INTS8: variants seen among roughly 807,000 people sequenced by gnomAD.
INTS8 encodes the protein protein kaonashi-1.
INTS8 carries 47 observed loss-of-function variants against 138.9 expected under a neutral mutation model. That is an observed-to-expected ratio of 0.34 (90% CI 0.27 to 0.43). The LOEUF (loss-of-function observed/expected upper bound fraction) is 0.43. Ranked by LOEUF, INTS8 falls within the 20% of genes least tolerant of loss-of-function variation. The pLI is 1.00. For synonymous variants in INTS8, 392 were observed against 400.9 expected (o/e 0.98, Z 0.27); for missense variants, 996 against 1,173.0 (o/e 0.85, Z 2.20).
At chr8:94,856,722 A>T in intron 14 of INTS8, 55 bp from the exon 15 acceptor site, 2 of 1,443,106 alleles carry the variant, frequency 1.4e-6, no homozygotes, top group Non-Finnish European at 9.7e-7. Flanking sequence ...ATAAAGGCAC[A>T]CATTTTTTGG....
In INTS8 at chr8:94,823,501, T is replaced by A; in HGVS notation, c.70T>A (p.Trp24Arg). 1 of 1,563,496 alleles carries A rather than the reference T, an allele frequency of 6.4e-7. No homozygotes were observed. Among genetic ancestry groups the A allele is most frequent in the Non-Finnish European group, 8.7e-7 (1 of 1,154,404 alleles). The change falls in exon 1 of 27, where the codon TGG becomes AGG. Residue 24 changes from tryptophan to arginine, a missense_variant. Physicochemically the swap from Trp to Arg is moderately radical, Grantham distance 101. Transcript: ENST00000523731. ...GCCCTGCACCCCGCCGCAGACCTGC[T>A]GGTTTGAGTTTCTGCTGGAGGAGTC... is the stretch of plus-strand genomic sequence containing the variant. ...SRPCTPPQTC[W>R]FEFLLEESLL...
chr8:94,874,800 A>G (rs542069878), intron 23 of INTS8, among the ~76,000 whole-genome samples, 198 bp downstream of exon 23: 3 of 152,312 alleles, frequency 2.0e-5, no homozygotes, highest in African/African-American at 7.2e-5. Context: ...AATTAAAAAC[A>G]TTGACCTTTA....
chr8:94,848,605 T>G (rs577374760), intron 10 of INTS8, among the ~76,000 whole-genome samples: 201 of 152,328 alleles, frequency 1.3e-3, no homozygotes, highest in Admixed American at 5.0e-3. Context: ...GTAACTGGCT[T>G]CTTAGCACGT....
At chr8:94,834,338 A>G (rs1814841427) in intron 6 of INTS8, among the ~76,000 whole-genome samples, 1 of 150,328 alleles carries the variant, frequency 6.7e-6, no homozygotes, top group South Asian at 2.1e-4. Flanking sequence ...ATATAACTGT[A>G]GTAAGTATGC....
intron 5 of INTS8, among the ~76,000 whole-genome samples, chr8:94,829,400 T>C (rs1434137979): frequency 6.6e-6 from 1 of 151,976 alleles, no homozygotes; most frequent in Non-Finnish European, 1.5e-5. Context: ...ATCCCTCGCG[T>C]GTGTAGTTCA....
In INTS8 at chr8:94,832,154, A is replaced by G. The variant is rs1411782822; in HGVS notation, c.733A>G (p.Thr245Ala). 1 of 1,612,022 alleles carries G rather than the reference A, an allele frequency of 6.2e-7. No homozygotes were observed. Among genetic ancestry groups the G allele is most frequent in the Non-Finnish European group, 8.5e-7 (1 of 1,179,578 alleles). The change falls in exon 6 of 27, where the codon ACC (threonine) becomes GCC (alanine). Residue 245 changes from threonine (T) to alanine (A), a missense_variant. Transcript: ENST00000523731. ...ESSTAGLKVKTEEMQCQVCYD... is the reference protein window; with the variant it reads ...ESSTAGLKVKAEEMQCQVCYD... ...TTCTACTGCTGGATTGAAAGTCAAA[A>G]CCGAAGAAATGCAGTGCCAGGTATT...
intron 16 of INTS8, chr8:94,860,043 CT>C (rs1403322364): frequency 1.3e-5 from 2 of 155,286 alleles, no homozygotes; most frequent in Non-Finnish European, 2.9e-5. Flanking sequence ...ATGTCTGAAT[CT>C]CCAATAGGTT....
At chr8:94,873,608 A>G (rs1816477907) in intron 22 of INTS8, 131 bp downstream of exon 22, 1 of 661,078 alleles carries the variant, frequency 1.5e-6, no homozygotes, top group South Asian at 1.8e-5. Context: ...TCTAGAACAC[A>G]TTGCTCTGTG....
chr8:94,878,315 T>A (rs569353199), intron 26 of INTS8, among the ~76,000 whole-genome samples: 93 of 152,306 alleles, frequency 6.1e-4, no homozygotes, highest in African/African-American at 2.1e-3. Context: ...TCTCTCTACC[T>A]TTTCCATACT....
intron 12 of INTS8, among the ~76,000 whole-genome samples, chr8:94,850,529 G>A (rs1409697426): frequency 4.6e-5 from 7 of 151,368 alleles, no homozygotes; most frequent in South Asian, 2.1e-4. Context: ...GGAGAATGGC[G>A]TGAACCCAGG....
At position 94,880,400 on chromosome 8, in the gene INTS8, C is replaced by A. The variant is rs770303442; in HGVS notation, c.*166C>A. The A allele has an allele frequency of 2.4e-6, 1 of 420,022 alleles. No individual in the cohort carries two copies. The highest frequency in any genetic ancestry group is 2.0e-5 in the African/African-American group (1 of 48,906). The allele number at this position is 420,022 out of a possible 1,614,324, so 26.0% of individuals were successfully genotyped here. On this transcript the variant is annotated 3_prime_UTR_variant, in exon 27 of 27. Transcript: ENST00000523731. ...TAAAAACAAACTATACAGAAGACTT[C>A]ATACCGTAACAATAAATGTATAGTT...
chr8:94,867,583 G>C (rs1816228857), intron 20 of INTS8: 1 of 358,144 alleles, frequency 2.8e-6, no homozygotes, highest in Admixed American at 4.8e-5. Flanking sequence ...GAATGCAGTG[G>C]TACAATCTCT....
At chr8:94,867,523 T>A in intron 20 of INTS8, 186 bp downstream of exon 20, 1 of 19,154 alleles carries the variant, frequency 5.2e-5, no homozygotes, top group Non-Finnish European at 1.1e-4. Flanking sequence ...GCATAACCCT[T>A]TTTTTTTTTT....
chr8:94,866,262 T>C (rs765418321), intron 18 of INTS8, 71 bp downstream of exon 18: 1 of 773,360 alleles, frequency 1.3e-6, no homozygotes, highest in Non-Finnish European at 2.3e-6. Context: ...AATTATTGGG[T>C]ACTTCAAATA....
intron 22 of INTS8, among the ~76,000 whole-genome samples, chr8:94,874,033 T>C (rs183225505): frequency 3.9e-5 from 6 of 152,278 alleles, no homozygotes; most frequent in Non-Finnish European, 7.4e-5. Context: ...AAAAAACATA[T>C]CCATTGCCTT....
At position 94,865,619 on chromosome 8, in the gene INTS8, G is replaced by A; in HGVS notation, c.2190G>A (p.Gln730=). 1 of 1,614,066 alleles carries A rather than the reference G, an allele frequency of 6.2e-7. No homozygotes were observed. Among genetic ancestry groups the A allele is most frequent in the Non-Finnish European group, 8.5e-7 (1 of 1,179,934 alleles). ...TTCAAATCTGTAGTGTGTCCAGTCA[G>A]CACAAACGAGGAAATGATGGCAGAG... ...VVVQICSVSS[Q]HKRGNDGRVS... The change falls in exon 17 of 27, where the codon CAG becomes CAA. Residue 730 remains glutamine, a synonymous_variant. Transcript: ENST00000523731.
At chr8:94,840,210 G>C (rs73271113) in intron 8 of INTS8, among the ~76,000 whole-genome samples, 1,730 of 152,312 alleles carry the variant, frequency 0.011, 30 homozygotes, top group African/African-American at 0.04. Flanking sequence ...TGTAACAGGT[G>C]TGTCTTCTCA....
chr8:94,849,557 C>CTTT, intron 11 of INTS8, 25 bp downstream of exon 11: 2 of 1,115,380 alleles, frequency 1.8e-6, no homozygotes, highest in African/African-American at 3.3e-5. Flanking sequence ...TTTCTTTTTT[C>CTTT]TTTTTTTTTT....
Position 94,824,909 on chromosome 8 carries a change from A to G in INTS8, c.147A>G (p.Gln49=), listed in dbSNP as rs774008207. The G allele has an allele frequency of 6.2e-7, 1 of 1,610,462 alleles. No individual in the cohort carries two copies. The highest frequency in any genetic ancestry group is 8.5e-7 in the Non-Finnish European group (1 of 1,177,740). The change falls in exon 2 of 27, where the codon CAA becomes CAG. Residue 49 remains glutamine, a synonymous_variant. Transcript: ENST00000523731. ...RKPCPDPAPV[Q]LIVQFLEQAS... ...AAACCCTAGATCCTGCACCAGTTCA[A>G]CTTATAGTTCAGTTTTTGGAACAGG...
Sources: gnomAD v4.1 joint callset for allele counts (sites outside exome capture counted in the v4.1 genomes callset) on GRCh38, gnomAD v4.1.1 for gene constraint, MANE v1.5 for transcripts, NCBI Gene and HGNC (gene_info 2026-07-23, HGNC 2026-07-21) for gene names.